The following VAT1L variants were observed in gnomAD, a reference collection of about 807,000 sequenced individuals.
The protein encoded by VAT1L is vesicle amine transport 1 like.
VAT1L carries 34 observed loss-of-function variants against 44.1 expected under a neutral mutation model. The ratio of observed to expected loss-of-function variants is 0.77; its 90% CI spans 0.59 to 1.03. The LOEUF (loss-of-function observed/expected upper bound fraction) is 1.03. Among genes scored for constraint, VAT1L ranks in the 50% least tolerant of loss-of-function variants. VAT1L has a pLI of 0.00. For synonymous variants in VAT1L, 253 were observed against 202.2 expected, an observed-to-expected ratio of 1.25 and a Z score of -2.13; for missense variants, 615 against 538.8, an observed-to-expected ratio of 1.14 and a Z score of -1.40.
chr16:77,806,333 C>G (rs1597168932), intron 1 of VAT1L, among the ~76,000 whole-genome samples: 1 of 152,202 alleles, frequency 6.6e-6, no homozygotes. Context: ...CCTCAGCCTC[C>G]CAAGCAGCTG....
chr16:77,861,511 T>C (rs985154787), intron 3 of VAT1L, among the ~76,000 whole-genome samples: 8 of 152,238 alleles, frequency 5.3e-5, no homozygotes, highest in African/African-American at 1.9e-4. Context: ...ATCTCGGCAA[T>C]GGATATAATA....
At chr16:77,869,958 T>A (rs2017013861) in intron 4 of VAT1L, among the ~76,000 whole-genome samples, 1 of 152,150 alleles carries the variant, frequency 6.6e-6, no homozygotes, top group Non-Finnish European at 1.5e-5. Context: ...GCCTGGCACA[T>A]AATAGGAGCT....
rs547388594 is a variant in VAT1L, at chr16:77,973,562, C to G, written c.1161+1629C>G. Among the ~76,000 whole-genome samples, 69 of 151,976 alleles carry G rather than the reference C, an allele frequency of 4.5e-4. 1 individual carries two copies. The highest frequency in any genetic ancestry group is 1.6e-3 in the African/African-American group (68 of 41,458). On this transcript the variant is annotated intron_variant, in intron 8 of 8. Transcript: ENST00000302536. ...CCTCCCAAAGTGTTGGGATTACAGG[C>G]GTGAGCCACCATGCCTGGCCCCCAG...
intron 1 of VAT1L, among the ~76,000 whole-genome samples, chr16:77,803,417 C>CTT (rs11379202): frequency 0.06 from 6,361 of 105,454 alleles, 618 homozygotes; most frequent in African/African-American, 0.14. Context: ...ACTAGACATT[C>CTT]TTTTTTTTTT....
At chr16:77,908,400 G>GTTGCAGTGAGCCGAGA (rs2017461865) in intron 7 of VAT1L, among the ~76,000 whole-genome samples, 1 of 133,346 alleles carries the variant, frequency 7.5e-6, no homozygotes, top group Non-Finnish European at 1.6e-5. Context: ...GGAGGCAGAG[G>GTTGCAGTGAGCCGAGA]TTGCAGTGAG....
rs771779797 is a variant in VAT1L, at chr16:77,879,344, G to T, written c.882+120G>T. 4.7e-4 allele frequency: 505 copies of T among 1,073,608 alleles called. 1 individual carries two copies. The highest frequency in any genetic ancestry group is 6.6e-4 in the Non-Finnish European group (464 of 705,012). 66.5% of individuals were successfully genotyped at this position (1,073,608 alleles called of 1,614,324 possible). A position where few individuals can be genotyped will look rare whatever the true frequency, so the allele number is the denominator to read the frequency against. ...TCTCGTTCTGTCACCAGGCTGGAGT[G>T]CAATGGCACGATCTCGGCTCATGGC... On this transcript the variant is annotated intron_variant, in intron 6 of 8. Coordinates refer to ENST00000302536, the MANE Select transcript of VAT1L (RefSeq NM_020927.3). This position sits in a 1 kb window ranked among gnomAD's most constrained non-coding sequence, Gnocchi z 4.1.
chr16:77,899,999 G>C (rs16946778), intron 7 of VAT1L, among the ~76,000 whole-genome samples: 2 of 152,190 alleles, frequency 1.3e-5, no homozygotes, highest in African/African-American at 2.4e-5. Flanking sequence ...AAGCTACACC[G>C]TATGCAAGGC....
At chr16:77,817,124 G>A in intron 2 of VAT1L, 74 bp downstream of exon 2, 1 of 1,554,552 alleles carries the variant, frequency 6.4e-7, no homozygotes, top group Non-Finnish European at 8.7e-7. Flanking sequence ...GATGCAGAAA[G>A]AAATGTCTGA....
intron 1 of VAT1L, among the ~76,000 whole-genome samples, chr16:77,797,469 G>A (rs1040260352): frequency 6.6e-6 from 1 of 152,194 alleles, no homozygotes; most frequent in East Asian, 1.9e-4. Flanking sequence ...GGTTGGGAAT[G>A]GATTTGGACT....
At chr16:77,970,936 T>C (rs1416747441) in intron 7 of VAT1L, among the ~76,000 whole-genome samples, 1 of 152,252 alleles carries the variant, frequency 6.6e-6, no homozygotes, top group Non-Finnish European at 1.5e-5. Flanking sequence ...TTAATGAATA[T>C]TTTTGGACTG....
At chr16:77,973,088 C>T (rs970541744) in intron 8 of VAT1L, among the ~76,000 whole-genome samples, 1 of 152,112 alleles carries the variant, frequency 6.6e-6, no homozygotes, top group African/African-American at 2.4e-5. Context: ...TCCCTGGGGC[C>T]TCTCGAGGAG....
chr16:77,842,273 C>G (rs2016715037), intron 3 of VAT1L, among the ~76,000 whole-genome samples: 1 of 152,126 alleles, frequency 6.6e-6, no homozygotes, highest in Non-Finnish European at 1.5e-5. Context: ...AACCTGAGAG[C>G]CATTGGAAAC....
chr16:77,855,781 A>C (rs1411889084), intron 3 of VAT1L, among the ~76,000 whole-genome samples: 3 of 152,194 alleles, frequency 2.0e-5, no homozygotes, highest in Non-Finnish European at 4.4e-5. Context: ...GCACTTTGGG[A>C]AGCCAAGGCG....
chr16:77,873,294 A>AT (rs928324719), intron 4 of VAT1L, among the ~76,000 whole-genome samples: 1 of 152,138 alleles, frequency 6.6e-6, no homozygotes, highest in Non-Finnish European at 1.5e-5. Context: ...CCGTGATTTC[A>AT]TTTTTTTAAA....
chr16:77,874,453 C>G (rs532848132), intron 4 of VAT1L, among the ~76,000 whole-genome samples: 1 of 122,566 alleles, frequency 8.2e-6, no homozygotes, highest in African/African-American at 3.6e-5. Context: ...CTCCCACCTG[C>G]CTCTCCAGCC....
chr16:77,893,994 T>C (rs2017295387), intron 7 of VAT1L, among the ~76,000 whole-genome samples: 1 of 152,218 alleles, frequency 6.6e-6, no homozygotes, highest in Non-Finnish European at 1.5e-5. Flanking sequence ...ACTCACATTA[T>C]GATACAAATG....
At chr16:77,952,237 G>A (rs191478070) in intron 7 of VAT1L, among the ~76,000 whole-genome samples, 1 of 152,282 alleles carries the variant, frequency 6.6e-6, no homozygotes, top group East Asian at 1.9e-4. Context: ...ATGCTCTAAG[G>A]GAGGATTAGG....
rs983564580 is a variant in VAT1L at position 77,804,994 on chromosome 16, A to C, written c.234-11927A>C. ...GGCTGCAGTGGCTTGCTTATCTTAA[A>C]ATAGTGGTTAGAGAGGGTGGACAGG... On this transcript the variant is annotated intron_variant, in intron 1 of 8. Transcript: ENST00000302536. Among the ~76,000 whole-genome samples the C allele has an allele frequency of 2.0e-5, 3 of 152,258 alleles. No homozygotes were observed. The South Asian group carries it at 6.2e-4, about 32-fold the overall frequency.
chr16:77,898,904 C>T (rs1233064571), intron 7 of VAT1L, among the ~76,000 whole-genome samples: 1 of 152,188 alleles, frequency 6.6e-6, no homozygotes, highest in Non-Finnish European at 1.5e-5. Context: ...ACCCTCCAAC[C>T]ATCTAGTCTC....
Sources: gnomAD v4.1 joint callset for allele counts (sites outside exome capture counted in the v4.1 genomes callset) on GRCh38, gnomAD v4.1.1 for gene constraint, Gnocchi (gnomAD v3.1) non-coding constraint, MANE v1.5 for transcripts, NCBI Gene and HGNC (gene_info 2026-07-23, HGNC 2026-07-21) for gene names.